TCTN1: variants seen among roughly 807,000 people sequenced by gnomAD.
TCTN1 encodes tectonic family member 1.
Under a neutral mutation model 65.8 loss-of-function variants are expected in TCTN1, and 58 were observed. The observed-to-expected ratio is 0.88, with a 90% CI of 0.71 to 1.10. TCTN1 has a LOEUF of 1.10. TCTN1 is among the 50% of genes least tolerant of loss of function. TCTN1 has a pLI of 0.00. For synonymous variants in TCTN1, 273 were observed against 289.1 expected (o/e 0.94, Z 0.57); for missense variants, 645 against 719.4 (o/e 0.90, Z 1.18).
rs769510420 is a variant in TCTN1 at position 110,649,338 on chromosome 12, G to A, written c.*297G>A. On this transcript the variant is annotated 3_prime_UTR_variant, in exon 15 of 15. Transcript: ENST00000397659. ...ACCTCTCACCAAGCGGCCCAGGAGG[G>A]GCAGCTGTTCCTCTCGTGACAGCAC... is the stretch of plus-strand genomic sequence containing the variant. 34 of 1,259,348 alleles carry A rather than the reference G, an allele frequency of 2.7e-5. No individual in the cohort carries two copies. Among genetic ancestry groups the A allele is most frequent in the Non-Finnish European group, 3.8e-5 (33 of 870,096 alleles). 78.0% of individuals were successfully genotyped at this position (1,259,348 alleles called of 1,614,324 possible).
At position 110,641,605 on chromosome 12, in the gene TCTN1, G is replaced by A. The variant is rs761580942; in HGVS notation, c.1168G>A (p.Ala390Thr). 6.2e-7 allele frequency: 1 copy of A among 1,614,232 alleles called. No individual in the cohort carries two copies. Among genetic ancestry groups the A allele is most frequent in the South Asian group, 1.1e-5 (1 of 91,088 alleles). The change falls in exon 10 of 15, where the codon GCT becomes ACT. Residue 390 changes from alanine (A) to threonine (T), a missense_variant. Coordinates refer to ENST00000397659, the MANE Select transcript of TCTN1 (RefSeq NM_001082538.3). ...TTATGTCGTGGGGCTCCCATTAGCTGCTGGATTCCAGCCTCATAAGGGATA... is the reference window on the plus strand; with the variant it reads ...TTATGTCGTGGGGCTCCCATTAGCTACTGGATTCCAGCCTCATAAGGGATA... The part of the protein sequence containing the change: ...PGYVVGLPLA[A>T]GFQPHKGSGI...
intron 4 of TCTN1, among the ~76,000 whole-genome samples, chr12:110,631,495 G>T (rs750558599): frequency 4.6e-5 from 7 of 151,970 alleles, no homozygotes; most frequent in Non-Finnish European, 8.8e-5. Context: ...TTAGCTGGGC[G>T]TGGTGGTGCG....
In TCTN1 at chr12:110,617,697, G is replaced by C. The variant is rs529688980; in HGVS notation, c.221-2139G>C. ...GCCCTGTCACCCAGGCTGGAGTGCA[G>C]TGGCACGATATCGGCTCACTGCAAA... On this transcript the variant is annotated intron_variant, in intron 1 of 14. Coordinates refer to ENST00000397659, the MANE Select transcript of TCTN1 (RefSeq NM_001082538.3). 3.9e-3 allele frequency among the ~76,000 whole-genome samples: 593 copies of C among 151,168 alleles called. 7 individuals are homozygous for C. The highest frequency in any genetic ancestry group is 6.7e-3 in the South Asian group (32 of 4,812).
At position 110,641,591 on chromosome 12, in the gene TCTN1, G is replaced by A. The variant is rs2066956329; in HGVS notation, c.1154G>A (p.Gly385Glu). The change falls in exon 10 of 15, where the codon GGG becomes GAG. Residue 385 changes from glycine (G) to glutamate (E), a missense_variant. Coordinates refer to ENST00000397659, the MANE Select transcript of TCTN1 (RefSeq NM_001082538.3). ...AGTGGAAACCCTGGTTATGTCGTGG[G>A]GCTCCCATTAGCTGCTGGATTCCAG... The part of the protein sequence containing the change: ...PLSGNPGYVV[G>E]LPLAAGFQPH... 3.1e-6 allele frequency: 5 copies of A among 1,614,220 alleles called. No individual in the cohort carries two copies. The highest frequency in any genetic ancestry group is 3.3e-4 in the Middle Eastern group (2 of 6,062).
At chr12:110,624,288 T>G (rs777500483) in intron 2 of TCTN1, among the ~76,000 whole-genome samples, 13 of 151,962 alleles carry the variant, frequency 8.6e-5, no homozygotes, top group African/African-American at 1.2e-4. Context: ...CGATCATAGC[T>G]CACTGTAACC....
chr12:110,645,228 G>T, intron 12 of TCTN1, 99 bp downstream of exon 12: 1 of 1,507,424 alleles, frequency 6.6e-7, no homozygotes, highest in South Asian at 1.2e-5. Context: ...GAGGCAGGAT[G>T]GCCCTGAGTG....
rs928103972 is a variant in TCTN1 at position 110,639,689 on chromosome 12, A to G, written c.844-694A>G. Among the ~76,000 whole-genome samples the G allele has an allele frequency of 6.6e-6, 1 of 152,162 alleles. No homozygotes were observed. The highest frequency in any genetic ancestry group is 2.1e-4 in the South Asian group (1 of 4,828). On this transcript the variant is annotated intron_variant, in intron 7 of 14. Coordinates refer to ENST00000397659, the MANE Select transcript of TCTN1 (RefSeq NM_001082538.3). The surrounding 1 kb of genome is among the most constrained non-coding windows in gnomAD (Gnocchi z 4.9). Reference sequence around the variant, plus strand: ...GTATTTGAGATATAATTCATATACCATAAAACTCACCATTTTAAAGTATAC... The same window carrying G: ...GTATTTGAGATATAATTCATATACCGTAAAACTCACCATTTTAAAGTATAC...
At chr12:110,618,429 C>T (rs1168987476) in intron 1 of TCTN1, among the ~76,000 whole-genome samples, 2 of 152,112 alleles carry the variant, frequency 1.3e-5, no homozygotes, top group African/African-American at 4.8e-5. Context: ...TTAGTAGAGA[C>T]GGGGTTTCAC....
At chr12:110,623,909 G>A (rs989627178) in intron 2 of TCTN1, among the ~76,000 whole-genome samples, 2 of 151,892 alleles carry the variant, frequency 1.3e-5, no homozygotes, top group Admixed American at 1.3e-4. Context: ...ATCTATATTG[G>A]TTAAACAAAT....
At chr12:110,629,157 G>A (rs1206463340) in intron 4 of TCTN1, 2 of 599,588 alleles carry the variant, frequency 3.3e-6, no homozygotes, top group East Asian at 2.8e-5. Flanking sequence ...AGAAAACCCA[G>A]GCAATACCAT....
intron 7 of TCTN1, among the ~76,000 whole-genome samples, chr12:110,637,204 T>C (rs934497893): frequency 6.6e-6 from 1 of 152,194 alleles, no homozygotes; most frequent in Non-Finnish European, 1.5e-5. Flanking sequence ...CTTGTCGGAC[T>C]GACACCGTGG....
At chr12:110,629,489 A>G (rs988520072) in intron 4 of TCTN1, 1 of 152,474 alleles carries the variant, frequency 6.6e-6, no homozygotes, top group Non-Finnish European at 1.5e-5. Context: ...AACCTATGAA[A>G]AAAGGCTCAT....
rs374598052 is a variant in TCTN1, at chr12:110,619,852, C to G, written c.237C>G (p.Val79=). Residue 79 remains valine, a synonymous_variant, in exon 2 of 15, where the codon GTC becomes GTG. Transcript: ENST00000397659. The part of the protein sequence containing the change: ...TPVTDVAVLC[V]CDLSPAQCDI... The stretch of plus-strand genomic sequence containing the variant: ...TTTCTGCAGTTGCTGTTCTCTGTGT[C>G]TGTGACTTATCCCCAGCACAGTGTG... 23 of 1,614,040 alleles carry G rather than the reference C, an allele frequency of 1.4e-5. No homozygotes were observed. Among genetic ancestry groups the G allele is most frequent in the African/African-American group, 9.3e-5 (7 of 74,914 alleles).
rs2064878006 is a variant in TCTN1 at position 110,614,318 on chromosome 12, G to A, written c.136G>A (p.Gly46Arg). ...CACCGAGGCAGCCCTGGCCACCTTC[G>A]GAACTTTCCCGTCGACCAGGCCCCC... ...NSTEAALATF[G>R]TFPSTRPPGT... Residue 46 changes from glycine (G) to arginine (R), a missense_variant, in exon 1 of 15, where the codon GGA becomes AGA. Gly to Arg is a moderately radical substitution (Grantham distance 125). Coordinates refer to ENST00000397659, the MANE Select transcript of TCTN1 (RefSeq NM_001082538.3). 2 of 1,604,670 alleles carry A rather than the reference G, an allele frequency of 1.2e-6. No individual in the cohort carries two copies. Among genetic ancestry groups the A allele is most frequent in the East Asian group, 4.5e-5 (2 of 44,570 alleles).
Position 110,614,377 on chromosome 12 carries a change from C to T in TCTN1, c.195C>T (p.Gly65=). ...GTPRAPGPSS[G]PRPTPVTDVA... ...CCAGGGCTCCAGGGCCCTCCTCCGG[C>T]CCCAGGCCTACCCCAGTCACGGACG... is the stretch of plus-strand genomic sequence containing the variant. The change falls in exon 1 of 15, where the codon GGC becomes GGT. Residue 65 remains glycine, a synonymous_variant. Coordinates refer to ENST00000397659, the MANE Select transcript of TCTN1 (RefSeq NM_001082538.3). 6.2e-7 allele frequency: 1 copy of T among 1,603,720 alleles called. No individual in the cohort carries two copies. Among genetic ancestry groups the T allele is most frequent in the Non-Finnish European group, 8.5e-7 (1 of 1,175,756 alleles).
Position 110,647,786 on chromosome 12 carries a change from C to G in TCTN1, c.1673C>G (p.Thr558Ser). The G allele has an allele frequency of 6.2e-7, 1 of 1,614,194 alleles. No individual in the cohort carries two copies. Among genetic ancestry groups the G allele is most frequent in the Non-Finnish European group, 8.5e-7 (1 of 1,180,042 alleles). The change falls in exon 14 of 15, where the codon ACT (threonine) becomes AGT (serine). Residue 558 changes from threonine to serine, a missense_variant. Coordinates refer to ENST00000397659, the MANE Select transcript of TCTN1 (RefSeq NM_001082538.3). ...SGNERTILIS[T>S]AVTFVDVSAP... Reference sequence around the variant, plus strand: ...AATGAAAGGACGATTCTTATTTCCACTGCGGTTACTTTTGTGGATGTGTCT... The same window carrying G: ...AATGAAAGGACGATTCTTATTTCCAGTGCGGTTACTTTTGTGGATGTGTCT...
In TCTN1 at chr12:110,628,867, A is replaced by G. The variant is rs776518719; in HGVS notation, c.573A>G (p.Ser191=). The part of the protein sequence containing the change: ...TSDGFTLNAE[S]YVSFTTKLDI... ...ATGGTTTTACATTGAATGCTGAATCATATGTTTCCTTCACAACCAAACTGG... is the reference window on the plus strand; with the variant it reads ...ATGGTTTTACATTGAATGCTGAATCGTATGTTTCCTTCACAACCAAACTGG... The change falls in exon 4 of 15, where the codon TCA becomes TCG. Residue 191 remains serine, a synonymous_variant. Transcript: ENST00000397659. 8.7e-6 allele frequency: 14 copies of G among 1,613,652 alleles called. No individual in the cohort carries two copies.
chr12:110,628,017 G>T, intron 3 of TCTN1: 1 of 1,534,392 alleles, frequency 6.5e-7, no homozygotes, highest in Non-Finnish European at 8.7e-7. Flanking sequence ...CAGTGAACAT[G>T]CCAGCCTGCT....
At chr12:110,646,604 G>C (rs1441865321) in intron 12 of TCTN1, 2 of 154,588 alleles carry the variant, frequency 1.3e-5, no homozygotes, top group Non-Finnish European at 2.9e-5. Context: ...GCCAACCAAA[G>C]GGGCAGCTCA....
Sources: gnomAD v4.1 joint callset for allele counts (sites outside exome capture counted in the v4.1 genomes callset) on GRCh38, gnomAD v4.1.1 for gene constraint, Gnocchi (gnomAD v3.1) non-coding constraint, MANE v1.5 for transcripts, NCBI Gene and HGNC (gene_info 2026-07-23, HGNC 2026-07-21) for gene names.